ADCY2: variants seen among roughly 807,000 people sequenced by gnomAD.
The protein encoded by ADCY2 is adenylate cyclase type 2.
ADCY2 carries 31 observed loss-of-function variants against 125.2 expected under a neutral mutation model. The observed-to-expected ratio is 0.25, with a 90% CI of 0.19 to 0.33. ADCY2 has a LOEUF of 0.33. Among genes scored for constraint, ADCY2 ranks in the 10% least tolerant of loss-of-function variants. The pLI is 1.00. For missense variants in ADCY2, 904 were observed against 1,418.2 expected, an observed-to-expected ratio of 0.64 and a Z score of 5.82; for synonymous variants, 512 against 548.4, an observed-to-expected ratio of 0.93 and a Z score of 0.93.
At position 7,817,947 on chromosome 5, in the gene ADCY2, C is replaced by T. The variant is rs573264244; in HGVS notation, c.2998+967C>T. On this transcript the variant is annotated intron_variant, in intron 23 of 24. Transcript: ENST00000338316. ...TTTTTTAGCATGTTTCATGACTTGC[C>T]TTTTACAAATTGTTGTTTTTTTAAA... Among the ~76,000 whole-genome samples, 63 of 151,020 alleles carry T rather than the reference C, an allele frequency of 4.2e-4. 1 individual carries two copies. Among genetic ancestry groups the T allele is most frequent in the African/African-American group, 1.5e-3 (62 of 41,180 alleles).
At chr5:7,677,606 A>G (rs931974816) in intron 4 of ADCY2, among the ~76,000 whole-genome samples, 4 of 152,306 alleles carry the variant, frequency 2.6e-5, no homozygotes, top group South Asian at 2.1e-4. Context: ...GAGAAGACCC[A>G]AAGTCCCAGC....
At chr5:7,430,561 C>CTATATATATATAGTATATCGATATACTA (rs1375753749) in intron 2 of ADCY2, among the ~76,000 whole-genome samples, 2 of 146,988 alleles carry the variant, frequency 1.4e-5, no homozygotes, top group African/African-American at 5.0e-5. Flanking sequence ...TATTGATATA[C>CTATATATATATAGTATATCGATATACTA]TATATATATA....
rs373327106 is a variant in ADCY2 at position 7,492,749 on chromosome 5, C to T, written c.409-27989C>T. 2.0e-3 allele frequency among the ~76,000 whole-genome samples: 302 copies of T among 152,126 alleles called. 1 individual carries two copies. Among genetic ancestry groups the T allele is most frequent in the African/African-American group, 6.8e-3 (283 of 41,504 alleles). ...TCGTTTGGGGAGGTTAACGGAGTGG[C>T]TTGCAGAGTCCAGTTTGGGGAGGTG... is the stretch of plus-strand genomic sequence containing the variant. On this transcript the variant is annotated intron_variant, in intron 2 of 24. Coordinates refer to ENST00000338316, the MANE Select transcript of ADCY2 (RefSeq NM_020546.3).
chr5:7,417,758 C>T (rs1740011139), intron 2 of ADCY2, among the ~76,000 whole-genome samples: 1 of 152,156 alleles, frequency 6.6e-6, no homozygotes, highest in Non-Finnish European at 1.5e-5. Flanking sequence ...ACTTATAGAA[C>T]CTTAAATTAC....
At chr5:7,551,573 T>C (rs1278025216) in intron 3 of ADCY2, among the ~76,000 whole-genome samples, 1 of 152,208 alleles carries the variant, frequency 6.6e-6, no homozygotes, top group Non-Finnish European at 1.5e-5. Context: ...ATCTATGTGT[T>C]CTTTTACTTA....
At chr5:7,718,171 CAG>C (rs1159505534) in intron 12 of ADCY2, among the ~76,000 whole-genome samples, 3 of 92,212 alleles carry the variant, frequency 3.3e-5, no homozygotes, top group African/African-American at 1.3e-4. Flanking sequence ...TTTTTTGAGA[CAG>C]AGTCTCGCTC....
intron 4 of ADCY2, among the ~76,000 whole-genome samples, chr5:7,684,727 C>T (rs1019500968): frequency 6.0e-5 from 9 of 150,848 alleles, no homozygotes; most frequent in South Asian, 2.1e-4. Flanking sequence ...TCGCAGGTGA[C>T]GACCACCTGG....
intron 24 of ADCY2, among the ~76,000 whole-genome samples, chr5:7,824,928 A>G (rs1473945814): frequency 6.6e-6 from 1 of 152,206 alleles, no homozygotes; most frequent in African/African-American, 2.4e-5. Context: ...TCCAAGTCCA[A>G]GGAGGCTGGA....
At chr5:7,542,157 C>T (rs184283514) in intron 3 of ADCY2, among the ~76,000 whole-genome samples, 4 of 152,262 alleles carry the variant, frequency 2.6e-5, no homozygotes, top group Non-Finnish European at 5.9e-5. Flanking sequence ...GACAGGCTGG[C>T]TGCAGAGTCC....
chr5:7,766,428 G>T (rs1001232688), intron 16 of ADCY2, among the ~76,000 whole-genome samples: 1 of 152,148 alleles, frequency 6.6e-6, no homozygotes, highest in South Asian at 2.1e-4. Context: ...CCTCTGCCCA[G>T]AGCTTTGTGT....
At chr5:7,465,185 G>T (rs928081294) in intron 2 of ADCY2, among the ~76,000 whole-genome samples, 15 of 152,148 alleles carry the variant, frequency 9.9e-5, no homozygotes, top group Admixed American at 1.3e-4. Flanking sequence ...TTTGGGTGGC[G>T]ACACAGCCAA....
intron 2 of ADCY2, among the ~76,000 whole-genome samples, chr5:7,507,621 G>A (rs1377396585): frequency 1.3e-5 from 2 of 151,960 alleles, no homozygotes; most frequent in South Asian, 4.2e-4. Context: ...GCTTTACCTC[G>A]TTGCTTCCAA....
At chr5:7,446,949 A>T (rs1741283962) in intron 2 of ADCY2, among the ~76,000 whole-genome samples, 1 of 152,132 alleles carries the variant, frequency 6.6e-6, no homozygotes, top group Admixed American at 6.5e-5. Context: ...GCACTACCAA[A>T]ATTAATGAGT....
intron 4 of ADCY2, among the ~76,000 whole-genome samples, chr5:7,646,117 G>A (rs1738885729): frequency 6.6e-6 from 1 of 151,648 alleles, no homozygotes; most frequent in African/African-American, 2.4e-5. Flanking sequence ...AAAAATGTTG[G>A]GATTTTTAAA....
intron 3 of ADCY2, among the ~76,000 whole-genome samples, chr5:7,606,920 T>G (rs935421805): frequency 6.6e-6 from 1 of 152,242 alleles, no homozygotes; most frequent in Non-Finnish European, 1.5e-5. Flanking sequence ...ATGTCCATAC[T>G]GTCTTCCATC....
chr5:7,674,964 G>A (rs1430180537), intron 4 of ADCY2, among the ~76,000 whole-genome samples: 10 of 152,080 alleles, frequency 6.6e-5, no homozygotes, highest in Non-Finnish European at 1.3e-4. Context: ...GACCATCCTG[G>A]CTAACATGGT....
intron 2 of ADCY2, among the ~76,000 whole-genome samples, chr5:7,458,117 G>A (rs562150628): frequency 1.3e-5 from 2 of 152,280 alleles, no homozygotes; most frequent in African/African-American, 2.4e-5. Context: ...TAATAGTCAT[G>A]AATAGACTTG....
chr5:7,688,932 A>C (rs1561168135), intron 4 of ADCY2, among the ~76,000 whole-genome samples: 1 of 152,196 alleles, frequency 6.6e-6, no homozygotes. Flanking sequence ...AGGCCAAAGC[A>C]TAGAGAAATT....
chr5:7,795,643 G>A (rs982435870), intron 20 of ADCY2: 2 of 152,202 alleles, frequency 1.3e-5, no homozygotes, highest in African/African-American at 4.8e-5. Context: ...TAAACTCTTG[G>A]TGATACTGCT....
Sources: allele counts gnomAD v4.1 joint callset (sites outside exome capture counted in the v4.1 genomes callset), GRCh38; gene constraint gnomAD v4.1.1; transcripts MANE v1.5; gene names NCBI Gene and HGNC (gene_info 2026-07-23, HGNC 2026-07-21).